The following ASIC2 variants were observed in gnomAD, a reference collection of about 807,000 sequenced individuals.
ASIC2 encodes the protein acid-sensing ion channel 2.
ASIC2 carries 25 observed loss-of-function variants against 57.3 expected under a neutral mutation model. The ratio of observed to expected loss-of-function variants is 0.44; its 90% CI spans 0.32 to 0.61. The LOEUF (loss-of-function observed/expected upper bound fraction) is 0.61. Among genes scored for constraint, ASIC2 ranks in the 20% least tolerant of loss-of-function variants. The probability of loss-of-function intolerance (pLI) is 0.06; values close to 1 mark genes in which losing one functional copy is unlikely to be tolerated. For synonymous variants in ASIC2, 319 were observed against 307.5 expected, an observed-to-expected ratio of 1.04 and a Z score of -0.39; for missense variants, 641 against 738.1, an observed-to-expected ratio of 0.87 and a Z score of 1.52.
chr17:33,881,290 G>A (rs531266021), intron 1 of ASIC2, among the ~76,000 whole-genome samples: 2 of 152,230 alleles, frequency 1.3e-5, no homozygotes, highest in South Asian at 2.1e-4. Context: ...GAAATAAAGG[G>A]TATTCAATTA....
intron 1 of ASIC2, among the ~76,000 whole-genome samples, chr17:33,957,761 C>T (rs780035980): frequency 4.6e-5 from 7 of 152,162 alleles, no homozygotes; most frequent in Non-Finnish European, 5.9e-5. Flanking sequence ...CCAAATCTCA[C>T]GTCCTCACAT....
chr17:33,525,261 A>G (rs1914854649), intron 1 of ASIC2, among the ~76,000 whole-genome samples: 1 of 152,214 alleles, frequency 6.6e-6, no homozygotes, highest in Non-Finnish European at 1.5e-5. Flanking sequence ...CTTTCTGAGT[A>G]GGGCGGACAC....
chr17:33,548,665 A>G (rs1028472450), intron 1 of ASIC2, among the ~76,000 whole-genome samples: 9 of 152,074 alleles, frequency 5.9e-5, no homozygotes, highest in Admixed American at 1.3e-4. Flanking sequence ...CCATTGCATA[A>G]ATTCCAAATC....
chr17:33,398,573 A>ATGATGGCAGTGATGATG (rs1567848299), intron 1 of ASIC2, among the ~76,000 whole-genome samples: 7 of 151,920 alleles, frequency 4.6e-5, no homozygotes, highest in Non-Finnish European at 8.8e-5. Flanking sequence ...CAGTGATGAT[A>ATGATGGCAGTGATGATG]GTGATGGTGG....
At chr17:33,928,987 T>G (rs1385459106) in intron 1 of ASIC2, among the ~76,000 whole-genome samples, 1 of 152,178 alleles carries the variant, frequency 6.6e-6, no homozygotes, top group Non-Finnish European at 1.5e-5. Context: ...ATTTTCCTTC[T>G]TCTTTCTTGG....
chr17:33,629,756 G>A (rs956694774), intron 1 of ASIC2, among the ~76,000 whole-genome samples: 1 of 152,170 alleles, frequency 6.6e-6, no homozygotes, highest in South Asian at 2.1e-4. Flanking sequence ...AGCAGCCCTG[G>A]GCAAACTTCC....
At chr17:33,567,621 T>C (rs1916281029) in intron 1 of ASIC2, among the ~76,000 whole-genome samples, 1 of 152,004 alleles carries the variant, frequency 6.6e-6, no homozygotes, top group Admixed American at 6.5e-5. Context: ...GGAGAGTCAA[T>C]AGGACTTGTG....
chr17:33,592,712 G>T (rs1372642389), intron 1 of ASIC2, among the ~76,000 whole-genome samples: 1 of 152,212 alleles, frequency 6.6e-6, no homozygotes, highest in Admixed American at 6.5e-5. Flanking sequence ...AAGGAGGAGG[G>T]TAGAATGGAA....
intron 1 of ASIC2, among the ~76,000 whole-genome samples, chr17:33,441,694 T>G (rs991526630): frequency 1.3e-5 from 2 of 152,198 alleles, no homozygotes; most frequent in African/African-American, 4.8e-5. Context: ...ATGTTTGTTA[T>G]CTCTGAAGAC....
intron 1 of ASIC2, among the ~76,000 whole-genome samples, chr17:33,963,870 A>T (rs780986375): frequency 6.6e-6 from 1 of 150,498 alleles, no homozygotes. Context: ...AGTATTTTAC[A>T]GCTGACAACT....
intron 1 of ASIC2, among the ~76,000 whole-genome samples, chr17:33,342,891 G>A (rs1907783579): frequency 6.6e-6 from 1 of 152,146 alleles, no homozygotes; most frequent in African/African-American, 2.4e-5. Flanking sequence ...ATAGAGCCAG[G>A]TGGGCAGGGC....
intron 3 of ASIC2, among the ~76,000 whole-genome samples, chr17:33,073,032 G>A (rs1015338456): frequency 5.3e-5 from 8 of 152,166 alleles, no homozygotes; most frequent in Non-Finnish European, 7.3e-5. Flanking sequence ...ATATGAGCAC[G>A]TTTCCTTGGA....
At chr17:33,866,670 C>T (rs1169418844) in intron 1 of ASIC2, among the ~76,000 whole-genome samples, 3 of 152,238 alleles carry the variant, frequency 2.0e-5, no homozygotes, top group East Asian at 3.9e-4. Context: ...GAACACACTC[C>T]AGGTACCAAT....
chr17:33,360,352 G>T (rs1419402656), intron 1 of ASIC2, among the ~76,000 whole-genome samples: 1 of 152,184 alleles, frequency 6.6e-6, no homozygotes. Flanking sequence ...AGGGAATGAT[G>T]GTGAAACTGG....
intron 1 of ASIC2, among the ~76,000 whole-genome samples, chr17:33,742,422 A>C (rs1240360215): frequency 6.6e-6 from 1 of 152,162 alleles, no homozygotes. Context: ...CCCCAACTGG[A>C]AAAGCACTGT....
intron 1 of ASIC2, among the ~76,000 whole-genome samples, chr17:34,073,406 G>A (rs945649503): frequency 3.3e-5 from 5 of 152,216 alleles, no homozygotes; most frequent in African/African-American, 9.6e-5. Flanking sequence ...AGTAGAGATA[G>A]GTTTTGTTAC....
chr17:33,180,879 G>A (rs1905953719), intron 1 of ASIC2, among the ~76,000 whole-genome samples: 1 of 152,134 alleles, frequency 6.6e-6, no homozygotes, highest in South Asian at 2.1e-4. Flanking sequence ...TACCAAGCAA[G>A]TCTGGTTGGT....
chr17:33,745,407 G>GAA (rs74267094), intron 1 of ASIC2, among the ~76,000 whole-genome samples: 1 of 145,172 alleles, frequency 6.9e-6, no homozygotes, highest in African/African-American at 2.6e-5. Context: ...CAAATTTACT[G>GAA]AAAAAAAAAA....
intron 1 of ASIC2, among the ~76,000 whole-genome samples, chr17:33,822,180 A>G (rs1912763130): frequency 6.6e-6 from 1 of 152,178 alleles, no homozygotes; most frequent in African/African-American, 2.4e-5. Context: ...TGGCAGCTCA[A>G]TCCTCTGAGC....
Sources: gnomAD v4.1 joint callset for allele counts (sites outside exome capture counted in the v4.1 genomes callset) on GRCh38, gnomAD v4.1.1 for gene constraint, MANE v1.5 for transcripts, NCBI Gene and HGNC (gene_info 2026-07-23, HGNC 2026-07-21) for gene names.